Variants in CTNNA2 observed in about 807,000 individuals in gnomAD.
CTNNA2 encodes the protein catenin alpha 2, also known as catenin alpha-2.
CTNNA2 carries 42 observed loss-of-function variants against 101.0 expected under a neutral mutation model. The observed-to-expected ratio is 0.42, with a 90% CI of 0.32 to 0.54. The LOEUF is 0.54. Among genes scored for constraint, CTNNA2 ranks in the 20% least tolerant of loss-of-function variants. The pLI is 0.14. For synonymous variants in CTNNA2, 450 were observed against 456.4 expected (o/e 0.99, Z 0.18); for missense variants, 871 against 1,223.1 (o/e 0.71, Z 4.29).
intron 18 of CTNNA2, among the ~76,000 whole-genome samples, chr2:80,639,141 CT>C (rs1673172172): frequency 1.3e-5 from 2 of 152,158 alleles, no homozygotes; most frequent in South Asian, 2.1e-4. Context: ...ATTTGAAACT[CT>C]TTAGGAGTTA....
intron 2 of CTNNA2, among the ~76,000 whole-genome samples, chr2:79,730,915 C>T (rs1470490355): frequency 6.6e-6 from 1 of 151,768 alleles, no homozygotes; most frequent in Non-Finnish European, 1.5e-5. Context: ...ATGAATAAAT[C>T]ATTTTTATTT....
At chr2:79,584,247 C>T (rs113578675) in intron 1 of CTNNA2, among the ~76,000 whole-genome samples, 3 of 152,122 alleles carry the variant, frequency 2.0e-5, no homozygotes, top group Non-Finnish European at 4.4e-5. Flanking sequence ...TCTACTCAGA[C>T]TACCTGTTTA....
chr2:80,099,017 A>T (rs190268800), intron 7 of CTNNA2, among the ~76,000 whole-genome samples: 193 of 151,916 alleles, frequency 1.3e-3, no homozygotes, highest in African/African-American at 4.5e-3. Flanking sequence ...ACTGTCCTGC[A>T]CCCACTGTCC....
intron 9 of CTNNA2, among the ~76,000 whole-genome samples, chr2:80,500,379 T>C (rs570280210): frequency 6.6e-6 from 1 of 152,244 alleles, no homozygotes; most frequent in African/African-American, 2.4e-5. Flanking sequence ...ATCCATCCAT[T>C]CATTCATTCA....
intron 1 of CTNNA2, among the ~76,000 whole-genome samples, chr2:79,528,888 C>T (rs527357510): frequency 6.6e-6 from 1 of 152,098 alleles, no homozygotes; most frequent in South Asian, 2.1e-4. Context: ...TGGTTTCTAC[C>T]CTTAGGACAT....
chr2:80,139,947 A>C (rs1245594474), intron 7 of CTNNA2, among the ~76,000 whole-genome samples: 3 of 152,198 alleles, frequency 2.0e-5, no homozygotes, highest in Non-Finnish European at 2.9e-5. Flanking sequence ...CCAAAGAATC[A>C]ACTCTTCTCA....
intron 1 of CTNNA2, among the ~76,000 whole-genome samples, chr2:79,556,107 TAAA>T (rs1674428617): frequency 6.6e-6 from 1 of 152,112 alleles, no homozygotes; most frequent in Non-Finnish European, 1.5e-5. Flanking sequence ...CTCCTCCATA[TAAA>T]TTGAAGATTC....
chr2:79,399,483 T>C (rs1231957693), intron 4 of CTNNA2, among the ~76,000 whole-genome samples: 1 of 152,068 alleles, frequency 6.6e-6, no homozygotes, highest in Non-Finnish European at 1.5e-5. Flanking sequence ...GCATTTAAGA[T>C]GTTCTCTAAC....
intron 2 of CTNNA2, among the ~76,000 whole-genome samples, chr2:79,674,121 A>C (rs184475511): frequency 6.6e-6 from 1 of 152,290 alleles, no homozygotes; most frequent in East Asian, 1.9e-4. Flanking sequence ...TGTTTTAAAA[A>C]ATTGCTCTGC....
At chr2:80,211,009 G>A (rs868261566) in intron 7 of CTNNA2, among the ~76,000 whole-genome samples, 14 of 152,170 alleles carry the variant, frequency 9.2e-5, no homozygotes, top group South Asian at 2.1e-4. Flanking sequence ...CTGCATAAAT[G>A]TCTTCTTTTG....
At chr2:80,423,615 C>T (rs1559097850) in intron 9 of CTNNA2, among the ~76,000 whole-genome samples, 1 of 152,000 alleles carries the variant, frequency 6.6e-6, no homozygotes, top group Non-Finnish European at 1.5e-5. Context: ...ATGGCAGCCC[C>T]CAACACATCC....
chr2:79,238,056 A>G (rs997699036), intron 2 of CTNNA2, among the ~76,000 whole-genome samples: 3 of 152,204 alleles, frequency 2.0e-5, no homozygotes, highest in Admixed American at 6.5e-5. Flanking sequence ...CTTTCAGCCT[A>G]TCTTGGCTTT....
intron 7 of CTNNA2, among the ~76,000 whole-genome samples, chr2:80,231,631 T>C (rs1709217685): frequency 6.6e-6 from 1 of 152,138 alleles, no homozygotes; most frequent in Non-Finnish European, 1.5e-5. Flanking sequence ...TGACCAACAT[T>C]AACATTAAAA....
At chr2:80,593,696 G>A (rs1312357191) in intron 15 of CTNNA2, among the ~76,000 whole-genome samples, 1 of 152,074 alleles carries the variant, frequency 6.6e-6, no homozygotes, top group African/African-American at 2.4e-5. Context: ...ACTAATACAG[G>A]TATCTCACAT....
chr2:79,192,422 A>C (rs1266997059), intron 1 of CTNNA2, among the ~76,000 whole-genome samples: 1 of 152,174 alleles, frequency 6.6e-6, no homozygotes, highest in African/African-American at 2.4e-5. Flanking sequence ...ATTTGAAAGC[A>C]GTTAAACTAC....
chr2:80,608,430 G>T, intron 17 of CTNNA2, 112 bp downstream of exon 17: 2 of 1,144,548 alleles, frequency 1.7e-6, no homozygotes, highest in Non-Finnish European at 2.4e-6. Context: ...TTTATAGGGA[G>T]GGCTTTTTTT....
intron 4 of CTNNA2, among the ~76,000 whole-genome samples, chr2:79,383,717 A>G (rs780799120): frequency 6.6e-6 from 1 of 152,224 alleles, no homozygotes; most frequent in Non-Finnish European, 1.5e-5. Flanking sequence ...CCATAGCAGC[A>G]TCATATCCAA....
intron 9 of CTNNA2, among the ~76,000 whole-genome samples, chr2:80,535,670 G>A (rs1573174963): frequency 6.6e-6 from 1 of 152,034 alleles, no homozygotes; most frequent in Non-Finnish European, 1.5e-5. Flanking sequence ...TAAAACAGAG[G>A]CAAGAAAAAG....
intron 9 of CTNNA2, among the ~76,000 whole-genome samples, chr2:80,496,768 CA>C (rs1687508488): frequency 6.6e-6 from 1 of 152,166 alleles, no homozygotes; most frequent in Admixed American, 6.6e-5. Flanking sequence ...TTTGCTCAAA[CA>C]ATTGAATTTA....
Sources: allele counts gnomAD v4.1 joint callset (sites outside exome capture counted in the v4.1 genomes callset), GRCh38; gene constraint gnomAD v4.1.1; transcripts MANE v1.5; gene names NCBI Gene and HGNC (gene_info 2026-07-23, HGNC 2026-07-21).